Variants in PRSS23 observed in about 807,000 individuals in gnomAD.
PRSS23 encodes the protein protease, serine 23.
Under a neutral mutation model 34.7 loss-of-function variants are expected in PRSS23, and 25 were observed. The ratio of observed to expected loss-of-function variants is 0.72; its 90% CI spans 0.53 to 1.01. The LOEUF is 1.01. PRSS23 is among the 50% of genes least tolerant of loss of function. The pLI, the probability that PRSS23 is intolerant of heterozygous loss-of-function variation, is 0.00. For missense variants in PRSS23, 445 were observed against 475.6 expected (o/e 0.94, Z 0.60); for synonymous variants, 176 against 186.6 (o/e 0.94, Z 0.46).
intron 2 of PRSS23, among the ~76,000 whole-genome samples, chr11:86,873,283 T>TGTGTATATATATATATACACAC (rs1590905669): frequency 4.4e-4 from 48 of 109,144 alleles, no homozygotes; most frequent in South Asian, 1.1e-3. Context: ...CACATATATA[T>TGTGTATATATATATATACACAC]ACATATATAT....
chr11:86,810,564 C>G lies in PRSS23; in HGVS notation c.*1769C>G, dbSNP rs1315063025. On this transcript the variant is annotated 3_prime_UTR_variant, in exon 2 of 2. Coordinates refer to ENST00000280258, the MANE Select transcript of PRSS23 (RefSeq NM_007173.6). ...AGAAGGGAGGTCTCCATTTCTATGT[C>G]TGGTATTTGGGGGTTTTGTTTGTTT... The G allele has an allele frequency of 6.0e-6, 1 of 166,984 alleles. No homozygotes were observed. Among genetic ancestry groups the G allele is most frequent in the African/African-American group, 2.4e-5 (1 of 41,418 alleles). 10.3% of individuals were successfully genotyped at this position (166,984 alleles called of 1,614,324 possible). A position where few individuals can be genotyped will look rare whatever the true frequency, so the allele number is the denominator to read the frequency against.
In PRSS23 at chr11:86,879,758, T is replaced by G. The variant is rs1414666646; in HGVS notation, c.206+56165T>G. Among the ~76,000 whole-genome samples, 2 of 121,830 alleles carry G rather than the reference T, an allele frequency of 1.6e-5. 1 individual carries two copies. Among genetic ancestry groups the G allele is most frequent in the East Asian group, 5.4e-4 (2 of 3,732 alleles). 79.9% of individuals were successfully genotyped at this position (121,830 alleles called of 152,430 possible). On this transcript the variant is annotated intron_variant, in intron 2 of 2. Transcript: ENST00000533902. ...GCCCCCCGCCCGGCCAGCCGCCCCG[T>G]CCGGGAGGGAGGTGGGGGGGTCAGC...
chr11:86,877,681 C>A (rs944244605), intron 2 of PRSS23, among the ~76,000 whole-genome samples: 1 of 152,138 alleles, frequency 6.6e-6, no homozygotes, highest in Admixed American at 6.5e-5. Flanking sequence ...TCTATTCCAT[C>A]TGTCTTTATG....
chr11:86,918,726 G>A (rs967672801), intron 2 of PRSS23, among the ~76,000 whole-genome samples: 1 of 152,218 alleles, frequency 6.6e-6, no homozygotes, highest in Non-Finnish European at 1.5e-5. Flanking sequence ...CCAACAGCCT[G>A]AATGTATACA....
intron 2 of PRSS23, among the ~76,000 whole-genome samples, chr11:86,892,573 C>G (rs910310463): frequency 1.3e-5 from 2 of 152,080 alleles, no homozygotes; most frequent in Non-Finnish European, 2.9e-5. Context: ...GATGGAAAAC[C>G]ATGTGTTTGG....
chr11:86,938,880 T>C (rs778065045), intron 2 of PRSS23: 4 of 303,880 alleles, frequency 1.3e-5, no homozygotes, highest in Non-Finnish European at 2.6e-5. Flanking sequence ...CAGCCTAGAG[T>C]ACACCTTTAA....
At chr11:86,917,591 T>C (rs1361548607) in intron 2 of PRSS23, among the ~76,000 whole-genome samples, 1 of 152,240 alleles carries the variant, frequency 6.6e-6, no homozygotes, top group Non-Finnish European at 1.5e-5. Flanking sequence ...GCAAGAGGAA[T>C]GAAAGGTAGC....
intron 2 of PRSS23, among the ~76,000 whole-genome samples, chr11:86,944,710 C>A (rs1949229162): frequency 6.6e-6 from 1 of 152,214 alleles, no homozygotes; most frequent in Non-Finnish European, 1.5e-5. Flanking sequence ...ATTGTGTTGA[C>A]TTTCCTTAAC....
chr11:86,792,835 A>G (rs1947959600), intron 1 of PRSS23, among the ~76,000 whole-genome samples: 1 of 152,208 alleles, frequency 6.6e-6, no homozygotes. Context: ...AAGTGGTTCA[A>G]TTGTAGAAGT....
intron 2 of PRSS23, among the ~76,000 whole-genome samples, chr11:86,903,013 G>C (rs1178485232): frequency 2.6e-5 from 4 of 152,120 alleles, no homozygotes; most frequent in Admixed American, 1.3e-4. Flanking sequence ...GGAATGTCCA[G>C]GACCTTACCT....
At chr11:86,892,780 T>G (rs1948850146) in intron 2 of PRSS23, among the ~76,000 whole-genome samples, 1 of 152,174 alleles carries the variant, frequency 6.6e-6, no homozygotes, top group African/African-American at 2.4e-5. Context: ...GTTAAATGCT[T>G]CCTGGAATCA....
At chr11:86,924,978 A>C (rs1949071038) in intron 2 of PRSS23, 1 of 152,150 alleles carries the variant, frequency 6.6e-6, no homozygotes, top group East Asian at 1.9e-4. Flanking sequence ...TAACTCACCG[A>C]GGGGAGTTGA....
intron 2 of PRSS23, chr11:86,937,402 G>A (rs918023316): frequency 1.3e-5 from 2 of 152,224 alleles, no homozygotes; most frequent in African/African-American, 4.8e-5. Flanking sequence ...TCCATCTTGA[G>A]TAGGGGCTGG....
At chr11:86,940,891 G>A (rs1022924883) in intron 2 of PRSS23, 1 of 152,226 alleles carries the variant, frequency 6.6e-6, no homozygotes, top group African/African-American at 2.4e-5. Flanking sequence ...AGTAGTAAGA[G>A]AAGAAGGTTC....
At chr11:86,879,860 G>A (rs1347445623) in intron 2 of PRSS23, among the ~76,000 whole-genome samples, 35 of 140,376 alleles carry the variant, frequency 2.5e-4, no homozygotes, top group South Asian at 4.6e-4. Context: ...CGCCCCGTCC[G>A]GGAGGTGAGG....
chr11:86,864,863 G>A (rs1413173241), intron 2 of PRSS23, among the ~76,000 whole-genome samples: 1 of 152,164 alleles, frequency 6.6e-6, no homozygotes, highest in Non-Finnish European at 1.5e-5. Context: ...GCATCTTCCA[G>A]TCTCTCTCTG....
chr11:86,819,891 G>A (rs1485585935), intron 1 of PRSS23, among the ~76,000 whole-genome samples: 1 of 152,026 alleles, frequency 6.6e-6, no homozygotes, highest in African/African-American at 2.4e-5. Context: ...TTCATCCTTA[G>A]TGCCTCATTA....
chr11:86,836,138 G>A (rs1002237256), intron 2 of PRSS23, among the ~76,000 whole-genome samples: 1 of 152,102 alleles, frequency 6.6e-6, no homozygotes, highest in Non-Finnish European at 1.5e-5. Flanking sequence ...TAAGGGTTAG[G>A]TACAGCTGGG....
chr11:86,929,593 A>C (rs1439258621), intron 2 of PRSS23, among the ~76,000 whole-genome samples: 1 of 152,262 alleles, frequency 6.6e-6, no homozygotes, highest in Non-Finnish European at 1.5e-5. Flanking sequence ...CAGTGAGCCA[A>C]GATTGTGCCT....
Sources: gnomAD v4.1 joint callset for allele counts (sites outside exome capture counted in the v4.1 genomes callset) on GRCh38, gnomAD v4.1.1 for gene constraint, MANE v1.5 for transcripts, NCBI Gene and HGNC (gene_info 2026-07-23, HGNC 2026-07-21) for gene names.